ARHGEF3: variants seen among roughly 807,000 people sequenced by gnomAD.
ARHGEF3 encodes the protein Rho guanine nucleotide exchange factor 3, also known as 59.8 kDA protein.
Under a neutral mutation model 63.2 loss-of-function variants are expected in ARHGEF3, and 28 were observed. The ratio of observed to expected loss-of-function variants is 0.44; its 90% CI spans 0.33 to 0.61. ARHGEF3 has a LOEUF of 0.61. Among genes scored for constraint, ARHGEF3 ranks in the 20% least tolerant of loss-of-function variants. The probability of loss-of-function intolerance (pLI) is 0.03; values close to 1 mark genes in which losing one functional copy is unlikely to be tolerated. For missense variants in ARHGEF3, 533 were observed against 659.3 expected (o/e 0.81, Z 2.10); for synonymous variants, 266 against 254.2 (o/e 1.05, Z -0.44).
intron 3 of ARHGEF3, among the ~76,000 whole-genome samples, chr3:56,927,195 A>C (rs2042297112): frequency 6.6e-6 from 1 of 152,254 alleles, no homozygotes; most frequent in South Asian, 2.1e-4. Context: ...AAGAGGACCC[A>C]CTGCAAAAAG....
intron 1 of ARHGEF3, among the ~76,000 whole-genome samples, chr3:56,798,269 A>G (rs889206237): frequency 1.3e-5 from 2 of 152,238 alleles, no homozygotes; most frequent in African/African-American, 4.8e-5. Flanking sequence ...AAATTTTTAA[A>G]ACTGCTGAGA....
rs1348248389 is a variant in ARHGEF3, at chr3:57,026,323, C to G, written c.62+8765G>C. ...GGCTGAGGTAGAAGGATCACTTGAGCCCAAGAGGTTGAGGCTGCAGTGATT... is the reference window on the plus strand; with the variant it reads ...GGCTGAGGTAGAAGGATCACTTGAGGCCAAGAGGTTGAGGCTGCAGTGATT... On this transcript the variant is annotated intron_variant, in intron 2 of 12. Coordinates refer to the ARHGEF3 transcript ENST00000338458. 2.0e-5 allele frequency among the ~76,000 whole-genome samples: 3 copies of G among 152,102 alleles called. No homozygotes were observed. The East Asian group carries it at 5.8e-4, about 29-fold the overall frequency.
intron 1 of ARHGEF3, among the ~76,000 whole-genome samples, chr3:56,795,278 G>C (rs895560438): frequency 6.6e-6 from 1 of 152,082 alleles, no homozygotes; most frequent in Non-Finnish European, 1.5e-5. Context: ...GATAAGAATT[G>C]GGCTACATGT....
At chr3:56,970,797 C>A (rs573174223) in intron 2 of ARHGEF3, among the ~76,000 whole-genome samples, 1 of 152,244 alleles carries the variant, frequency 6.6e-6, no homozygotes, top group African/African-American at 2.4e-5. Flanking sequence ...CATACAGGGG[C>A]GGCTTCGCCC....
At chr3:56,808,034 G>A (rs1643301306) in intron 4 of ARHGEF3, among the ~76,000 whole-genome samples, 1 of 151,318 alleles carries the variant, frequency 6.6e-6, no homozygotes, top group Admixed American at 6.6e-5. Flanking sequence ...TGAGGCAGGA[G>A]AATCACTTGA....
chr3:56,732,302 G>T lies in ARHGEF3; in HGVS notation c.1164C>A (p.Asp388Glu), dbSNP rs1197941030. The change falls in exon 9 of 10, where the codon GAC becomes GAA. Residue 388 changes from aspartate (D) to glutamate (E), a missense_variant. Physicochemically the swap from Asp to Glu is conservative, Grantham distance 45 (BLOSUM62 2). This residue lies in a region of ARHGEF3 where 151 missense variants were observed against 190.7 expected (regional missense o/e 0.79). Coordinates refer to ENST00000296315, the MANE Select transcript of ARHGEF3 (RefSeq NM_019555.3). ...PIPVKDLLLE[D>E]LQDGEVRLGG... ...CCAGCCTCACTTCTCCATCCTGGAG[G>T]TCTTCCAGCAGGAGGTCTTTCACGG... 6.2e-7 allele frequency: 1 copy of T among 1,614,190 alleles called. No homozygotes were observed. The highest frequency in any genetic ancestry group is 1.7e-5 in the Admixed American group (1 of 60,026).
At chr3:56,755,499 C>A (rs977038126) in intron 2 of ARHGEF3, among the ~76,000 whole-genome samples, 1 of 152,162 alleles carries the variant, frequency 6.6e-6, no homozygotes, top group Non-Finnish European at 1.5e-5. Context: ...TTTAAAAGAA[C>A]CAGAGATAAC....
At chr3:57,067,180 G>A (rs550360080) in intron 1 of ARHGEF3, among the ~76,000 whole-genome samples, 2 of 152,214 alleles carry the variant, frequency 1.3e-5, no homozygotes, top group East Asian at 1.9e-4. Context: ...GGCCAGGCGC[G>A]GTGGCTCACG....
intron 3 of ARHGEF3, among the ~76,000 whole-genome samples, chr3:56,941,256 G>A (rs1206053075): frequency 6.6e-6 from 1 of 152,222 alleles, no homozygotes; most frequent in African/African-American, 2.4e-5. Flanking sequence ...CGCATAGGCT[G>A]GAGTGCACTG....
intron 6 of ARHGEF3, among the ~76,000 whole-genome samples, chr3:56,747,055 A>T (rs1035210253): frequency 7.9e-6 from 1 of 127,048 alleles, no homozygotes; most frequent in African/African-American, 3.3e-5. Context: ...ACATGCGCGC[A>T]CACACACACA....
At position 56,839,131 on chromosome 3, in the gene ARHGEF3, C is replaced by T. The variant is rs111708641; in HGVS notation, c.192+43161G>A. Among the ~76,000 whole-genome samples the T allele has an allele frequency of 8.4e-3, 1,261 of 150,520 alleles. 17 individuals are homozygous for T. Among genetic ancestry groups the T allele is most frequent in the African/African-American group, 0.029 (1,179 of 41,088 alleles). On this transcript the variant is annotated intron_variant, in intron 4 of 12. Transcript: ENST00000338458. ...TCCATCCAGGGTGATGGAGTGAGAC[C>T]TTGTCTCAAAAAAAAAAAATTTTTT...
At chr3:56,877,576 T>C (rs1341024159) in intron 4 of ARHGEF3, among the ~76,000 whole-genome samples, 1 of 152,134 alleles carries the variant, frequency 6.6e-6, no homozygotes, top group Non-Finnish European at 1.5e-5. Flanking sequence ...TCTCCCTGTG[T>C]TGCCCAGACT....
At chr3:56,901,005 A>T (rs533594821) in intron 3 of ARHGEF3, among the ~76,000 whole-genome samples, 21 of 152,284 alleles carry the variant, frequency 1.4e-4, no homozygotes, top group African/African-American at 4.6e-4. Flanking sequence ...GTGGCCAAAG[A>T]AGTTTTTGGG....
intron 2 of ARHGEF3, among the ~76,000 whole-genome samples, chr3:57,031,051 C>T (rs1276589540): frequency 6.6e-6 from 1 of 152,214 alleles, no homozygotes; most frequent in Admixed American, 6.5e-5. Context: ...AGCTGGTCGG[C>T]TTTGTCTCAG....
chr3:57,002,479 T>TATATATATATATATATATATATTA (rs1285310560), intron 2 of ARHGEF3, among the ~76,000 whole-genome samples: 1 of 39,472 alleles, frequency 2.5e-5, no homozygotes, highest in South Asian at 8.0e-4. Flanking sequence ...TATATATATG[T>TATATATATATATATATATATATTA]TATATATATA....
In ARHGEF3 at chr3:56,949,622, A is replaced by T. The variant is rs529502486; in HGVS notation, c.129+9201T>A. Among the ~76,000 whole-genome samples the T allele has an allele frequency of 5.0e-4, 76 of 152,184 alleles. 1 individual carries two copies. The highest frequency in any genetic ancestry group is 1.6e-3 in the African/African-American group (65 of 41,440). ...AGAACCACAAACCACTGCTCAATGA[A>T]ATAAAAGAGGACACAAACAAATGGA... is the stretch of plus-strand genomic sequence containing the variant. On this transcript the variant is annotated intron_variant, in intron 3 of 12. Coordinates refer to the ARHGEF3 transcript ENST00000338458.
chr3:56,759,005 A>T (rs1395019065), intron 2 of ARHGEF3, among the ~76,000 whole-genome samples: 1 of 152,196 alleles, frequency 6.6e-6, no homozygotes, highest in Non-Finnish European at 1.5e-5. Context: ...TACCAGTTTG[A>T]AAATAATGTA....
upstream of ARHGEF3, among the ~76,000 whole-genome samples, chr3:56,806,413 T>C (rs1358350017): frequency 6.6e-6 from 1 of 152,256 alleles, no homozygotes; most frequent in East Asian, 1.9e-4. Context: ...GGAACAACAC[T>C]GCTCTAACAG....
At chr3:56,952,456 A>G (rs769275282) in intron 3 of ARHGEF3, among the ~76,000 whole-genome samples, 2 of 152,176 alleles carry the variant, frequency 1.3e-5, no homozygotes, top group African/African-American at 2.4e-5. Flanking sequence ...ACTCACTTAC[A>G]CCATGCCCTA....
Sources: gnomAD v4.1 joint callset for allele counts (sites outside exome capture counted in the v4.1 genomes callset) on GRCh38, gnomAD v4.1.1 for gene constraint, gnomAD v4.1.1 regional missense constraint, MANE v1.5 for transcripts, NCBI Gene and HGNC (gene_info 2026-07-23, HGNC 2026-07-21) for gene names.